SRGAP2: variants seen among roughly 807,000 people sequenced by gnomAD.
SRGAP2 encodes the protein SLIT-ROBO Rho GTPase activating protein 2.
A neutral mutation model predicts 57.2 loss-of-function variants in SRGAP2; 15 were observed. That is an observed-to-expected ratio of 0.26 (90% CI 0.18 to 0.40). The LOEUF (loss-of-function observed/expected upper bound fraction) is 0.40, where lower values mean the gene tolerates loss of function less well. SRGAP2 is among the 10% of genes least tolerant of loss of function. The probability of loss-of-function intolerance (pLI) is 1.00; values close to 1 mark genes in which losing one functional copy is unlikely to be tolerated. For missense variants in SRGAP2, 520 were observed against 669.6 expected, an observed-to-expected ratio of 0.78 and a Z score of 2.47; for synonymous variants, 249 against 248.0, an observed-to-expected ratio of 1.00 and a Z score of -0.04.
intron 2 of SRGAP2, among the ~76,000 whole-genome samples, chr1:206,240,876 C>G (rs1450291951): frequency 1.3e-5 from 2 of 152,114 alleles, no homozygotes; most frequent in Non-Finnish European, 2.9e-5. Flanking sequence ...TTCTTCCATT[C>G]CTTGGAAGTA....
In SRGAP2 at chr1:206,446,792, A is replaced by G. The variant is rs191487675; in HGVS notation, c.2099+493A>G. 2.6e-3 allele frequency among the ~76,000 whole-genome samples: 401 copies of G among 152,334 alleles called. 1 individual carries two copies. The highest frequency in any genetic ancestry group is 2.6e-3 in the Non-Finnish European group (179 of 68,022). On this transcript the variant is annotated intron_variant, in intron 18 of 22. Coordinates refer to ENST00000573034, the MANE Select transcript of SRGAP2 (RefSeq NM_015326.5). The stretch of plus-strand genomic sequence containing the variant: ...TGATTTTAGAAATTTGTGAAGAGAA[A>G]GAAGGGTAAGCCTTGTTTTTGGCAG...
At chr1:206,229,485 G>A (rs558656273) in intron 2 of SRGAP2, among the ~76,000 whole-genome samples, 64 of 152,252 alleles carry the variant, frequency 4.2e-4, no homozygotes, top group African/African-American at 1.3e-3. Flanking sequence ...TGGCTGTGCC[G>A]CAACTGAGCA....
Position 206,437,810 on chromosome 1 carries a change from T to C in SRGAP2, c.1634-154T>C, listed in dbSNP as rs1661904400. On this transcript the variant is annotated intron_variant, in intron 15 of 22. Transcript: ENST00000573034. ...AATGGAGCAGTCTTTGCTTTATCTG[T>C]TCCCTGGTCTGTCCCACTCATGGCC... is the stretch of plus-strand genomic sequence containing the variant. 4.7e-6 allele frequency: 3 copies of C among 637,744 alleles called. No homozygotes were observed. In the South Asian group the frequency reaches 5.5e-5, roughly 12 times the overall value. 39.5% of individuals were successfully genotyped at this position (637,744 alleles called of 1,614,324 possible).
intron 4 of SRGAP2, among the ~76,000 whole-genome samples, chr1:206,354,276 G>A (rs1676265096): frequency 6.6e-6 from 1 of 152,052 alleles, no homozygotes; most frequent in Non-Finnish European, 1.5e-5. Flanking sequence ...TTTATTCTAG[G>A]AGGCTATTAA....
chr1:206,433,027 G>T (rs1340928270), intron 14 of SRGAP2, among the ~76,000 whole-genome samples: 1 of 152,150 alleles, frequency 6.6e-6, no homozygotes, highest in Non-Finnish European at 1.5e-5. Flanking sequence ...TATCATTTTG[G>T]TACCATCATA....
intron 13 of SRGAP2, among the ~76,000 whole-genome samples, chr1:206,428,139 G>A (rs774750318): frequency 2.3e-4 from 35 of 151,926 alleles, no homozygotes; most frequent in Non-Finnish European, 3.8e-4. Context: ...AAAATAGGCC[G>A]GGCGTGGTGA....
chr1:206,333,049 TC>T, intron 3 of SRGAP2, among the ~76,000 whole-genome samples: 1 of 147,910 alleles, frequency 6.8e-6, no homozygotes, highest in East Asian at 2.0e-4. Context: ...CAGCTGCAGG[TC>T]TGTTGGAATA....
At chr1:206,395,257 G>GT (rs1553352992) in intron 7 of SRGAP2, among the ~76,000 whole-genome samples, 1 of 145,830 alleles carries the variant, frequency 6.9e-6, no homozygotes, top group African/African-American at 2.6e-5. Context: ...CTGGCCTCAC[G>GT]TAAGAGTTGC....
chr1:206,458,222 C>G (rs1663995062), intron 21 of SRGAP2: 1 of 392,586 alleles, frequency 2.5e-6, no homozygotes, highest in African/African-American at 2.1e-5. Flanking sequence ...TATCCTCTTA[C>G]CAGCAATCTT....
At chr1:206,212,249 G>A (rs1329251663) in intron 2 of SRGAP2, among the ~76,000 whole-genome samples, 7 of 143,530 alleles carry the variant, frequency 4.9e-5, no homozygotes, top group Admixed American at 2.8e-4. Context: ...GCTTGATCAC[G>A]GCTCACTGCA....
intron 1 of SRGAP2, 147 bp from the exon 2 acceptor site, chr1:206,205,282 A>G (rs1334665330): frequency 1.4e-5 from 2 of 143,820 alleles, no homozygotes; most frequent in Admixed American, 1.4e-4. Flanking sequence ...CCCACCTCGT[A>G]GCGCCAGGCT....
At chr1:206,307,599 CG>C (rs1344148459) in intron 3 of SRGAP2, among the ~76,000 whole-genome samples, 6 of 152,242 alleles carry the variant, frequency 3.9e-5, no homozygotes, top group African/African-American at 1.2e-4. Context: ...CCCTGCCCCG[CG>C]GGAAGGCAGC....
chr1:206,335,701 T>C (rs2102893038), intron 3 of SRGAP2, among the ~76,000 whole-genome samples: 1 of 150,488 alleles, frequency 6.6e-6, no homozygotes, highest in African/African-American at 2.4e-5. Context: ...CAATAAGATA[T>C]CAGAAACTAG....
At chr1:206,220,501 A>G (rs1386628211) in intron 2 of SRGAP2, among the ~76,000 whole-genome samples, 2 of 152,146 alleles carry the variant, frequency 1.3e-5, no homozygotes, top group Admixed American at 6.5e-5. Flanking sequence ...GAGTATTTAA[A>G]TACATTCTGC....
At chr1:206,243,685 G>A (rs1553309650) in intron 2 of SRGAP2, among the ~76,000 whole-genome samples, 1 of 152,206 alleles carries the variant, frequency 6.6e-6, no homozygotes. Context: ...GTAGTCTTGA[G>A]CAGTGGGCTT....
intron 2 of SRGAP2, among the ~76,000 whole-genome samples, chr1:206,249,476 AG>A (rs1326777587): frequency 2.0e-5 from 3 of 151,960 alleles, no homozygotes; most frequent in African/African-American, 7.3e-5. Flanking sequence ...CATTATTCTC[AG>A]CAAACTAACA....
chr1:206,333,538 T>G, intron 3 of SRGAP2: 1 of 967,774 alleles, frequency 1.0e-6, no homozygotes, highest in Non-Finnish European at 1.6e-6. Flanking sequence ...TCTATTTATT[T>G]ATTTTTTAAG....
chr1:206,413,461 C>T (rs1480333830), intron 10 of SRGAP2, among the ~76,000 whole-genome samples: 1 of 152,206 alleles, frequency 6.6e-6, no homozygotes, highest in African/African-American at 2.4e-5. Flanking sequence ...AACAGAGCCT[C>T]TTTCCTTGCA....
chr1:206,461,427 ATAAT>A lies in SRGAP2; in HGVS notation c.*9_*12del. 1.3e-6 allele frequency: 1 copy of A among 746,124 alleles called. No individual in the cohort carries two copies. The highest frequency in any genetic ancestry group is 1.7e-5 in the African/African-American group (1 of 58,056). The allele number at this position is 746,124 out of a possible 1,614,324, so 46.2% of individuals were successfully genotyped here. A position where few individuals can be genotyped will look rare whatever the true frequency, so the allele number is the denominator to read the frequency against. On this transcript the variant is annotated 3_prime_UTR_variant, in exon 23 of 23. Transcript: ENST00000573034. ...CAAGTCTTGTACTGTCTGAGGGATA[ATAAT>A]TTAATTGTTCTAGACAAGGGGACTA... is the stretch of plus-strand genomic sequence containing the variant.
Sources: allele counts gnomAD v4.1 joint callset (sites outside exome capture counted in the v4.1 genomes callset), GRCh38; gene constraint gnomAD v4.1.1; transcripts MANE v1.5; gene names NCBI Gene and HGNC (gene_info 2026-07-23, HGNC 2026-07-21).